Variants in CBFA2T2 observed in about 807,000 individuals in gnomAD.
CBFA2T2 encodes CBFA2/RUNX1 partner transcriptional co-repressor 2, also known as protein CBFA2T2.
In CBFA2T2, 11 loss-of-function variants were observed where a neutral mutation model predicts 62.2. That is an observed-to-expected ratio of 0.18 (90% CI 0.11 to 0.29). The LOEUF (loss-of-function observed/expected upper bound fraction) is 0.29. CBFA2T2 is among the 10% of genes least tolerant of loss of function. The pLI is 1.00. For missense variants in CBFA2T2, 592 were observed against 774.1 expected (o/e 0.76, Z 2.79); for synonymous variants, 295 against 287.5 (o/e 1.03, Z -0.27).
chr20:33,577,613 A>G (rs2013889843), intron 1 of CBFA2T2, among the ~76,000 whole-genome samples: 1 of 152,230 alleles, frequency 6.6e-6, no homozygotes, highest in Non-Finnish European at 1.5e-5. Context: ...CTGAACTGTA[A>G]TCAATGTGTT....
intron 1 of CBFA2T2, among the ~76,000 whole-genome samples, chr20:33,567,652 G>A (rs1490936089): frequency 2.7e-5 from 4 of 150,846 alleles, no homozygotes; most frequent in South Asian, 2.1e-4. Flanking sequence ...GCGTGATCTC[G>A]GCTCACTGCA....
In CBFA2T2 at chr20:33,648,749, G is replaced by A. The variant is rs1190877816; in HGVS notation, c.*4103G>A. 5.3e-5 allele frequency: 8 copies of A among 152,380 alleles called. No individual in the cohort carries two copies. The South Asian group carries it at 6.2e-4, about 12-fold the overall frequency. 9.4% of individuals were successfully genotyped at this position (152,380 alleles called of 1,614,324 possible). A position where few individuals can be genotyped will look rare whatever the true frequency, so the allele number is the denominator to read the frequency against. On this transcript the variant is annotated 3_prime_UTR_variant, in exon 11 of 11. Coordinates refer to ENST00000342704, the MANE Select transcript of CBFA2T2 (RefSeq NM_001032999.3). ...CCTTGGCTGCTGCCCGCTCTCTGCA[G>A]CGTGGATTTCCTTTGCCCATTTGGG...
At chr20:33,611,515 T>C (rs1460350921) in intron 3 of CBFA2T2, among the ~76,000 whole-genome samples, 180 bp downstream of exon 3, 1 of 152,140 alleles carries the variant, frequency 6.6e-6, no homozygotes, top group African/African-American at 2.4e-5. Context: ...TCTTTTCTTT[T>C]CTTTTCTTCT....
chr20:33,636,529 C>A, intron 8 of CBFA2T2, 111 bp from the exon 9 acceptor site: 3 of 727,576 alleles, frequency 4.1e-6, no homozygotes, highest in South Asian at 3.8e-5. Flanking sequence ...TTTTTTTATA[C>A]TAAATGAAAT....
chr20:33,517,133 G>A (rs6059359), intron 1 of CBFA2T2, among the ~76,000 whole-genome samples: 2 of 152,300 alleles, frequency 1.3e-5, no homozygotes, highest in African/African-American at 4.8e-5. Flanking sequence ...TTTTGGAGCA[G>A]TTAGTTCTTG....
chr20:33,602,444 A>G (rs1269085797), intron 1 of CBFA2T2, among the ~76,000 whole-genome samples: 3 of 151,430 alleles, frequency 2.0e-5, no homozygotes, highest in Non-Finnish European at 4.4e-5. Context: ...GATTAAAAAA[A>G]AAAAAAAAAC....
At chr20:33,629,125 T>C (rs2016356546) in intron 7 of CBFA2T2, among the ~76,000 whole-genome samples, 1 of 152,260 alleles carries the variant, frequency 6.6e-6, no homozygotes, top group Non-Finnish European at 1.5e-5. Flanking sequence ...TGTTAAATTT[T>C]TATCAAAAGA....
chr20:33,529,101 C>A (rs940840999), intron 1 of CBFA2T2, among the ~76,000 whole-genome samples: 4 of 152,156 alleles, frequency 2.6e-5, no homozygotes, highest in Non-Finnish European at 4.4e-5. Flanking sequence ...TCTCAGTTCA[C>A]TGCAAGCTCC....
intron 1 of CBFA2T2, among the ~76,000 whole-genome samples, chr20:33,523,222 T>C (rs896287663): frequency 6.6e-6 from 1 of 152,154 alleles, no homozygotes; most frequent in African/African-American, 2.4e-5. Context: ...AGGTGATTCA[T>C]ATGAACATTA....
chr20:33,509,530 T>C (rs200380993), intron 1 of CBFA2T2, among the ~76,000 whole-genome samples: 2 of 151,670 alleles, frequency 1.3e-5, no homozygotes, highest in East Asian at 2.0e-4. Context: ...AATTTTTCCT[T>C]ATTTGAAAAG....
chr20:33,639,201 A>G (rs968248949), intron 9 of CBFA2T2: 3 of 152,048 alleles, frequency 2.0e-5, no homozygotes, highest in Admixed American at 6.6e-5. Context: ...CAGTTCAATC[A>G]TTGCACCAGC....
At chr20:33,575,880 C>A (rs1440730349) in intron 1 of CBFA2T2, among the ~76,000 whole-genome samples, 1 of 152,106 alleles carries the variant, frequency 6.6e-6, no homozygotes, top group Non-Finnish European at 1.5e-5. Context: ...CGGGTTCACA[C>A]CACTCTCCTG....
intron 1 of CBFA2T2, among the ~76,000 whole-genome samples, chr20:33,576,775 C>T (rs1199360673): frequency 1.3e-5 from 2 of 152,242 alleles, no homozygotes; most frequent in Non-Finnish European, 2.9e-5. Context: ...ATTTTTGCTA[C>T]AGCACATCCG....
rs2011575389 is a variant in CBFA2T2 at position 33,514,997 on chromosome 20, G to C, written c.34+24696G>C. On this transcript the variant is annotated intron_variant, in intron 1 of 10. Transcript: ENST00000342704. ...GTGAGCCACTGCACTGGGTCTAAGA[G>C]ATTGCTTTTAGAGAAAACACCTAGT... is the stretch of plus-strand genomic sequence containing the variant. Among the ~76,000 whole-genome samples, 3 of 151,816 alleles carry C rather than the reference G, an allele frequency of 2.0e-5. 1 individual carries two copies. The South Asian group carries it at 6.3e-4, about 32-fold the overall frequency.
At chr20:33,589,205 T>C (rs2014508402) in intron 1 of CBFA2T2, among the ~76,000 whole-genome samples, 1 of 152,158 alleles carries the variant, frequency 6.6e-6, no homozygotes. Context: ...AATGAATGCC[T>C]CTGGCATGGA....
At chr20:33,593,645 C>T (rs770611223) in intron 1 of CBFA2T2, among the ~76,000 whole-genome samples, 1 of 151,998 alleles carries the variant, frequency 6.6e-6, no homozygotes, top group African/African-American at 2.4e-5. Context: ...TGCCTGCCTC[C>T]GCCTCCCAAA....
intron 1 of CBFA2T2, among the ~76,000 whole-genome samples, chr20:33,528,539 T>C (rs1183116883): frequency 2.0e-5 from 3 of 152,210 alleles, no homozygotes; most frequent in Non-Finnish European, 4.4e-5. Flanking sequence ...GGCTTTATTA[T>C]CAGCCTTTGA....
At position 33,562,376 on chromosome 20, in the gene CBFA2T2, A is replaced by AAG. The variant is rs370083467; in HGVS notation, c.35-44572_35-44571dup. ...AGAGGAAGCAGGAGGGAGGGAGAAA[A>AAG]AGAGAGAGACTGACTGTATCTGGGG... On this transcript the variant is annotated intron_variant, in intron 1 of 10. Transcript: ENST00000342704. The AAG allele has an allele frequency of 5.3e-4, 518 of 986,028 alleles. 1 individual carries two copies. Among genetic ancestry groups the AAG allele is most frequent in the Admixed American group, 6.8e-4 (11 of 16,274 alleles). The allele number at this position is 986,028 out of a possible 1,614,324, so 61.1% of individuals were successfully genotyped here. A position where few individuals can be genotyped will look rare whatever the true frequency, so the allele number is the denominator to read the frequency against.
In CBFA2T2 at chr20:33,645,280, C is replaced by A. The variant is rs1278370460; in HGVS notation, c.*634C>A. 1 of 152,136 alleles carries A rather than the reference C, an allele frequency of 6.6e-6. No individual in the cohort carries two copies. The highest frequency in any genetic ancestry group is 1.5e-5 in the Non-Finnish European group (1 of 68,042). The allele number at this position is 152,136 out of a possible 1,614,324, so 9.4% of individuals were successfully genotyped here. A position where few individuals can be genotyped will look rare whatever the true frequency, so the allele number is the denominator to read the frequency against. ...CAAAAACATAAAACAAATAAAACTT[C>A]CCCCACATCACAGATGATTTTGGAC... On this transcript the variant is annotated 3_prime_UTR_variant, in exon 11 of 11. Transcript: ENST00000342704.
Sources: gnomAD v4.1 joint callset for allele counts (sites outside exome capture counted in the v4.1 genomes callset) on GRCh38, gnomAD v4.1.1 for gene constraint, MANE v1.5 for transcripts, NCBI Gene and HGNC (gene_info 2026-07-23, HGNC 2026-07-21) for gene names.